HTR4: variants seen among roughly 807,000 people sequenced by gnomAD.
HTR4 encodes the protein 5-hydroxytryptamine receptor 4, also known as 5-hydroxytryptamine (serotonin) receptor 4, G protein-coupled.
HTR4 carries 16 observed loss-of-function variants against 36.8 expected under a neutral mutation model. The observed-to-expected ratio is 0.43, with a 90% confidence interval of 0.29 to 0.66. The LOEUF (loss-of-function observed/expected upper bound fraction) is 0.66. Ranked by LOEUF, HTR4 falls within the 30% of genes least tolerant of loss-of-function variation. The probability of loss-of-function intolerance (pLI) is 0.13; values close to 1 mark genes in which losing one functional copy is unlikely to be tolerated. For synonymous variants in HTR4, 189 were observed against 185.1 expected (o/e 1.02, Z -0.17); for missense variants, 438 against 490.9 (o/e 0.89, Z 1.02).
In HTR4 at chr5:148,491,728, T is replaced by A. The variant is rs903846272; in HGVS notation, c.1077-8435A>T. Among the ~76,000 whole-genome samples the A allele has an allele frequency of 5.3e-5, 8 of 152,142 alleles. No homozygotes were observed. The South Asian group carries it at 1.2e-3, about 24-fold the overall frequency. On this transcript the variant is annotated intron_variant, in intron 6 of 6. Transcript: ENST00000377888. The stretch of plus-strand genomic sequence containing the variant: ...CACACAATCTCAGTGATCTAAGACA[T>A]GCAGCTAGATCTAAACTTAAAGCAT...
chr5:148,563,362 G>A (rs1369806834), intron 2 of HTR4, among the ~76,000 whole-genome samples: 2 of 152,152 alleles, frequency 1.3e-5, no homozygotes, highest in Non-Finnish European at 2.9e-5. Context: ...TCTGCAGAGA[G>A]GACTTATTTA....
At chr5:148,640,488 G>A (rs1211959051) in intron 1 of HTR4, among the ~76,000 whole-genome samples, 4 of 152,182 alleles carry the variant, frequency 2.6e-5, no homozygotes, top group Non-Finnish European at 5.9e-5. Flanking sequence ...GCTGCTAGTG[G>A]CCATCATTGC....
chr5:148,652,204 C>A (rs545850414), intron 1 of HTR4, among the ~76,000 whole-genome samples: 2 of 152,036 alleles, frequency 1.3e-5, no homozygotes, highest in Non-Finnish European at 2.9e-5. Flanking sequence ...AACGTGGTAG[C>A]AGTGGGAATA....
intron 2 of HTR4, among the ~76,000 whole-genome samples, chr5:148,597,891 A>T (rs538788984): frequency 6.6e-6 from 1 of 152,374 alleles, no homozygotes; most frequent in African/African-American, 2.4e-5. Context: ...ACTGACACAT[A>T]GAAAGCATTC....
chr5:148,565,522 G>A (rs527403684), intron 2 of HTR4, among the ~76,000 whole-genome samples: 15 of 152,278 alleles, frequency 9.9e-5, no homozygotes, highest in African/African-American at 3.4e-4. Context: ...AAACGAATGT[G>A]AGGGGCAAGA....
At chr5:148,569,139 G>A (rs1327659679) in intron 2 of HTR4, among the ~76,000 whole-genome samples, 1 of 151,916 alleles carries the variant, frequency 6.6e-6, no homozygotes, top group African/African-American at 2.4e-5. Flanking sequence ...TCAGCAGAGA[G>A]TTCAGTCATA....
chr5:148,635,543 G>C (rs1753503800), intron 2 of HTR4, among the ~76,000 whole-genome samples: 1 of 152,166 alleles, frequency 6.6e-6, no homozygotes, highest in Non-Finnish European at 1.5e-5. Flanking sequence ...TCTGCTGTTA[G>C]AATCTAATGC....
At chr5:148,529,153 T>C (rs1758432138) in intron 4 of HTR4, among the ~76,000 whole-genome samples, 1 of 151,900 alleles carries the variant, frequency 6.6e-6, no homozygotes, top group African/African-American at 2.4e-5. Context: ...GACATAAACC[T>C]CCTATCATTT....
At chr5:148,474,359 G>C (rs1417072128), downstream of HTR4, among the ~76,000 whole-genome samples, 1 of 151,978 alleles carries the variant, frequency 6.6e-6, no homozygotes, top group Non-Finnish European at 1.5e-5. Context: ...CTTTATCCTG[G>C]CCAAGAATTT....
intron 5 of HTR4, among the ~76,000 whole-genome samples, chr5:148,457,926 A>AT (rs1561558573): frequency 3.1e-5 from 4 of 130,668 alleles, no homozygotes; most frequent in African/African-American, 1.1e-4. Flanking sequence ...ATATCATTAA[A>AT]ATATATTATA....
intron 5 of HTR4, among the ~76,000 whole-genome samples, chr5:148,466,483 C>A (rs946058704): frequency 6.6e-6 from 1 of 152,074 alleles, no homozygotes; most frequent in Non-Finnish European, 1.5e-5. Context: ...AATTACAGAC[C>A]TTTTGGGGAA....
downstream of HTR4, chr5:148,481,412 C>T: frequency 1.4e-6 from 1 of 701,796 alleles, no homozygotes; most frequent in Non-Finnish European, 2.4e-6. Context: ...ACACAAAGAG[C>T]ATTTCAGCAT....
chr5:148,498,201 A>G (rs752260332), intron 6 of HTR4, among the ~76,000 whole-genome samples: 10 of 152,228 alleles, frequency 6.6e-5, no homozygotes, highest in African/African-American at 1.2e-4. Flanking sequence ...TGGGAGACCT[A>G]TGATTCTAAA....
intron 4 of HTR4, among the ~76,000 whole-genome samples, chr5:148,529,076 T>C (rs1280338935): frequency 6.6e-6 from 1 of 152,022 alleles, no homozygotes; most frequent in Non-Finnish European, 1.5e-5. Flanking sequence ...GTTCGAAATT[T>C]GCCCAGTCTC....
downstream of HTR4, among the ~76,000 whole-genome samples, chr5:148,476,917 T>C (rs184085282): frequency 3.3e-3 from 498 of 152,252 alleles, 3 homozygotes; most frequent in African/African-American, 0.011. Flanking sequence ...TGAAATACAC[T>C]ATGTAAGAGG....
rs115905474 is a variant in HTR4, at chr5:148,520,633, T to C, written c.507+2560A>G. ...CTATAAAATGAGGATAATGATAGGATCTACTTCATAATGTTGTTGTGAAGC... is the reference window on the plus strand; with the variant it reads ...CTATAAAATGAGGATAATGATAGGACCTACTTCATAATGTTGTTGTGAAGC... On this transcript the variant is annotated intron_variant, in intron 5 of 6. Transcript: ENST00000377888. Among the ~76,000 whole-genome samples the C allele has an allele frequency of 5.5e-3, 833 of 152,302 alleles. 2 individuals are homozygous for C. Among genetic ancestry groups the C allele is most frequent in the African/African-American group, 0.019 (785 of 41,580 alleles).
intron 2 of HTR4, among the ~76,000 whole-genome samples, chr5:148,579,970 G>A (rs540740410): frequency 1.1e-4 from 16 of 151,878 alleles, no homozygotes; most frequent in Non-Finnish European, 1.9e-4. Context: ...AATATTACAA[G>A]CCAAATTCCT....
intron 5 of HTR4, among the ~76,000 whole-genome samples, chr5:148,515,240 C>T (rs1261684886): frequency 1.3e-5 from 2 of 152,056 alleles, no homozygotes; most frequent in South Asian, 2.1e-4. Flanking sequence ...CTTTTTCATA[C>T]ATTTGCCATT....
At chr5:148,649,060 T>C in intron 1 of HTR4, among the ~76,000 whole-genome samples, 1 of 152,170 alleles carries the variant, frequency 6.6e-6, no homozygotes, top group East Asian at 1.9e-4. Flanking sequence ...ACAAAAGTTT[T>C]CTTAAAGTGT....
Sources: allele counts gnomAD v4.1 joint callset (sites outside exome capture counted in the v4.1 genomes callset), GRCh38; gene constraint gnomAD v4.1.1; transcripts MANE v1.5; gene names NCBI Gene and HGNC (gene_info 2026-07-23, HGNC 2026-07-21).